Variants in UNC13C observed in about 807,000 individuals in gnomAD.
The protein encoded by UNC13C is unc-13 homolog C, also known as protein unc-13 homolog C.
In UNC13C, 174 loss-of-function variants were observed where a neutral mutation model predicts 245.4. That is an observed-to-expected ratio of 0.71 (90% confidence interval 0.63 to 0.80). The LOEUF (loss-of-function observed/expected upper bound fraction) is 0.80, where lower values mean the gene tolerates loss of function less well. Ranked by LOEUF, UNC13C falls within the 30% of genes least tolerant of loss-of-function variation. The pLI is 0.00. For synonymous variants in UNC13C, 992 were observed against 895.1 expected, an observed-to-expected ratio of 1.11 and a Z score of -1.93; for missense variants, 2,829 against 2,602.9, an observed-to-expected ratio of 1.09 and a Z score of -1.89.
intron 17 of UNC13C, among the ~76,000 whole-genome samples, chr15:54,374,182 T>C (rs2039554630): frequency 6.6e-6 from 1 of 152,162 alleles, no homozygotes; most frequent in African/African-American, 2.4e-5. Flanking sequence ...CATGGGTGGC[T>C]ATGAGAGGGC....
chr15:54,628,827 G>A (rs1401357498), downstream of UNC13C: 1 of 152,118 alleles, frequency 6.6e-6, no homozygotes, highest in African/African-American at 2.4e-5. Context: ...TTTATACACT[G>A]CTGGTGGGAG....
intron 9 of UNC13C, 55 bp from the exon 10 acceptor site, chr15:54,265,300 A>T: frequency 7.7e-7 from 1 of 1,305,244 alleles, no homozygotes; most frequent in Non-Finnish European, 9.9e-7. Context: ...TGTTATTATT[A>T]TTTTTTGTTT....
intron 8 of UNC13C, among the ~76,000 whole-genome samples, chr15:54,252,247 C>T (rs1258067556): frequency 1.3e-5 from 2 of 152,156 alleles, no homozygotes; most frequent in African/African-American, 2.4e-5. Context: ...AATTCTTCTT[C>T]TAGTCTTTCA....
chr15:54,171,122 G>A (rs906147876), intron 4 of UNC13C, among the ~76,000 whole-genome samples: 3 of 152,016 alleles, frequency 2.0e-5, no homozygotes, highest in African/African-American at 7.2e-5. Flanking sequence ...TTCCATTATT[G>A]CTAAACATTC....
the UNC13C span, among the ~76,000 whole-genome samples, chr15:53,941,312 C>T: frequency 6.6e-6 from 1 of 152,134 alleles, no homozygotes. Flanking sequence ...GGATTGAAGA[C>T]TTAAATATAG....
intron 19 of UNC13C, among the ~76,000 whole-genome samples, chr15:54,458,186 G>C (rs556064004): frequency 6.6e-6 from 1 of 151,834 alleles, no homozygotes; most frequent in Non-Finnish European, 1.5e-5. Flanking sequence ...TTATGTATTT[G>C]TATAGTTTAA....
intron 2 of UNC13C, among the ~76,000 whole-genome samples, chr15:54,121,326 T>A (rs150672458): frequency 3.5e-4 from 53 of 152,274 alleles, no homozygotes; most frequent in African/African-American, 1.3e-3. Flanking sequence ...CTCAGACGAT[T>A]GTTAGTATTT....
chr15:54,034,813 T>C (rs1896505612), intron 2 of UNC13C, among the ~76,000 whole-genome samples: 1 of 152,194 alleles, frequency 6.6e-6, no homozygotes, highest in South Asian at 2.1e-4. Flanking sequence ...GTGGTTGCAG[T>C]TCAGTTTAGT....
At chr15:54,236,352 A>C (rs1294061536) in intron 5 of UNC13C, 78 bp from the exon 6 acceptor site, 1 of 1,136,232 alleles carries the variant, frequency 8.8e-7, no homozygotes, top group African/African-American at 1.5e-5. Context: ...GGCTAATTTA[A>C]CATTGTTATA....
At position 54,627,103 on chromosome 15, in the gene UNC13C, A is replaced by AGAGTGCTT; in HGVS notation, c.6638_6645dup. ...AAATCTGAAACAAGATCTACTGAAGAGAGTGCTTGAAACAAACACTGCAAG... is the reference window on the plus strand; with the variant it reads ...AAATCTGAAACAAGATCTACTGAAGAGAGTGCTTGAGTGCTTGAAACAAACACTGCAAG... On this transcript the variant is annotated frameshift_variant, in exon 33 of 33. Transcript: ENST00000260323. LOFTEE classifies it high-confidence loss of function. The AGAGTGCTT allele has an allele frequency of 6.2e-7, 1 of 1,609,108 alleles. No individual in the cohort carries two copies. Among genetic ancestry groups the AGAGTGCTT allele is most frequent in the Non-Finnish European group, 8.5e-7 (1 of 1,177,118 alleles).
At chr15:54,414,364 C>T (rs1004199546) in intron 18 of UNC13C, among the ~76,000 whole-genome samples, 6 of 152,178 alleles carry the variant, frequency 3.9e-5, no homozygotes, top group Admixed American at 2.6e-4. Context: ...AAGACGGAGT[C>T]GGCCAGGTAT....
chr15:54,000,033 A>G (rs116443664), intron 1 of UNC13C, among the ~76,000 whole-genome samples: 1,561 of 152,200 alleles, frequency 0.01, 29 homozygotes, highest in African/African-American at 0.036. Context: ...TGTAATGAGT[A>G]TGTGATATTT....
intron 1 of UNC13C, among the ~76,000 whole-genome samples, 192 bp downstream of exon 1, chr15:53,979,119 C>T (rs898742145): frequency 7.1e-6 from 1 of 141,012 alleles, no homozygotes; most frequent in South Asian, 2.5e-4. Context: ...ATCATGACTT[C>T]TCAGTCATTG....
chr15:54,082,618 T>C (rs1485373206), intron 2 of UNC13C, among the ~76,000 whole-genome samples: 1 of 152,206 alleles, frequency 6.6e-6, no homozygotes, highest in Admixed American at 6.5e-5. Flanking sequence ...AGAGCTAATG[T>C]AATCTTTTGG....
upstream of UNC13C, among the ~76,000 whole-genome samples, chr15:53,976,004 C>T (rs1893682700): frequency 6.6e-6 from 1 of 152,140 alleles, no homozygotes; most frequent in Non-Finnish European, 1.5e-5. Flanking sequence ...AAGAATGTGG[C>T]TCTTACTGTT....
intron 17 of UNC13C, among the ~76,000 whole-genome samples, chr15:54,339,418 C>T (rs2038673782): frequency 6.6e-6 from 1 of 152,076 alleles, no homozygotes; most frequent in South Asian, 2.1e-4. Context: ...CCTCACACCC[C>T]TCCGAGCCTT....
chr15:53,852,139 A>G, the UNC13C span, among the ~76,000 whole-genome samples: 3 of 152,068 alleles, frequency 2.0e-5, no homozygotes, highest in Non-Finnish European at 4.4e-5. Flanking sequence ...ACCCTGTGGG[A>G]TCTGACATTT....
At chr15:54,194,293 C>G (rs1352319197) in intron 4 of UNC13C, among the ~76,000 whole-genome samples, 1 of 152,088 alleles carries the variant, frequency 6.6e-6, no homozygotes, top group East Asian at 1.9e-4. Flanking sequence ...TTATCAATAT[C>G]TCTTGTTTTC....
chr15:54,331,116 G>A (rs569815589), intron 14 of UNC13C, among the ~76,000 whole-genome samples: 1 of 152,138 alleles, frequency 6.6e-6, no homozygotes, highest in African/African-American at 2.4e-5. Context: ...AAACTACTGA[G>A]AAAAGCTTTC....
Sources: allele counts gnomAD v4.1 joint callset (sites outside exome capture counted in the v4.1 genomes callset), GRCh38; gene constraint gnomAD v4.1.1; transcripts MANE v1.5; gene names NCBI Gene and HGNC (gene_info 2026-07-23, HGNC 2026-07-21).